PCDHA11: variants seen among roughly 807,000 people sequenced by gnomAD.
PCDHA11 encodes the protein protocadherin alpha-11.
Under a neutral mutation model 70.3 loss-of-function variants are expected in PCDHA11, and 61 were observed. The ratio of observed to expected loss-of-function variants is 0.87; its 90% CI spans 0.71 to 1.07. The LOEUF is 1.07. Among genes scored for constraint, PCDHA11 ranks in the 50% least tolerant of loss-of-function variants. PCDHA11 has a pLI of 0.00. For synonymous variants in PCDHA11, 633 were observed against 555.1 expected (o/e 1.14, Z -1.97); for missense variants, 1,324 against 1,237.5 (o/e 1.07, Z -1.05).
chr5:140,883,575 G>C (rs782472492), intron 1 of PCDHA11: 87 of 1,613,954 alleles, frequency 5.4e-5, no homozygotes, highest in Non-Finnish European at 7.4e-5. Context: ...CCTTCGCTGT[G>C]GGCCACGGCC....
intron 1 of PCDHA11, among the ~76,000 whole-genome samples, chr5:140,878,826 C>G (rs1048428036): frequency 1.3e-5 from 2 of 152,182 alleles, no homozygotes; most frequent in Non-Finnish European, 2.9e-5. Flanking sequence ...CTATGTTGCA[C>G]AGGCTGGACT....
At chr5:140,887,961 G>A (rs1311969868) in intron 1 of PCDHA11, among the ~76,000 whole-genome samples, 1 of 151,770 alleles carries the variant, frequency 6.6e-6, no homozygotes, top group African/African-American at 2.4e-5. Flanking sequence ...GATTCTTTTT[G>A]TCTCTTTTAA....
At chr5:141,005,718 A>T (rs1554260304) in intron 3 of PCDHA11, among the ~76,000 whole-genome samples, 1 of 149,548 alleles carries the variant, frequency 6.7e-6, no homozygotes, top group Non-Finnish European at 1.5e-5. Context: ...AAAAAAAAAA[A>T]AAAAAAAAAA....
At chr5:140,957,734 T>C (rs559180968) in intron 1 of PCDHA11, among the ~76,000 whole-genome samples, 2 of 152,240 alleles carry the variant, frequency 1.3e-5, no homozygotes, top group Admixed American at 6.5e-5. Flanking sequence ...GAATTATATA[T>C]ACTGACATGA....
At chr5:140,996,355 G>A (rs1164124431) in intron 3 of PCDHA11, among the ~76,000 whole-genome samples, 1 of 152,218 alleles carries the variant, frequency 6.6e-6, no homozygotes, top group Non-Finnish European at 1.5e-5. Flanking sequence ...ACCAAAGTCA[G>A]AAGCCATTTT....
chr5:140,993,462 TCACACACACACA>T (rs3836747), intron 3 of PCDHA11, among the ~76,000 whole-genome samples: 1,999 of 141,038 alleles, frequency 0.014, 48 homozygotes, highest in African/African-American at 0.047. Context: ...TCTTTCTTTC[TCACACACACACA>T]CACACACACA....
chr5:140,941,191 T>TTTCTTTCTTTCTTTCTTTCTTTC (rs1487503403), intron 1 of PCDHA11, among the ~76,000 whole-genome samples: 1 of 93,206 alleles, frequency 1.1e-5, no homozygotes, highest in South Asian at 2.8e-4. Flanking sequence ...GCTTCTTTTT[T>TTTCTTTCTTTCTTTCTTTCTTTC]TTTCTTTCTT....
chr5:140,955,006 C>T (rs1304080416), intron 1 of PCDHA11, among the ~76,000 whole-genome samples: 1 of 152,154 alleles, frequency 6.6e-6, no homozygotes, highest in African/African-American at 2.4e-5. Flanking sequence ...AGCCAATTCT[C>T]CCAGCACCAT....
chr5:140,961,435 C>T (rs1554225413), intron 1 of PCDHA11, among the ~76,000 whole-genome samples: 1 of 152,174 alleles, frequency 6.6e-6, no homozygotes, highest in Non-Finnish European at 1.5e-5. Flanking sequence ...TACAAAATCA[C>T]CTAACTACAC....
At chr5:140,898,133 G>T (rs2153459320) in intron 1 of PCDHA11, among the ~76,000 whole-genome samples, 1 of 152,202 alleles carries the variant, frequency 6.6e-6, no homozygotes, top group African/African-American at 2.4e-5. Flanking sequence ...CTCCCATTTT[G>T]TAGGTTGCCT....
intron 1 of PCDHA11, among the ~76,000 whole-genome samples, chr5:140,897,068 T>A (rs2153455202): frequency 6.6e-6 from 1 of 152,252 alleles, no homozygotes; most frequent in East Asian, 1.9e-4. Context: ...CTATGTCTTA[T>A]TCATTTTTTC....
intron 1 of PCDHA11, among the ~76,000 whole-genome samples, chr5:140,873,200 T>C (rs1462660228): frequency 6.6e-6 from 1 of 152,228 alleles, no homozygotes; most frequent in Non-Finnish European, 1.5e-5. Context: ...GCTAAAAACA[T>C]TCTTTAAGTA....
rs527413028 is a variant in PCDHA11, at chr5:140,920,520, G to A, written c.2391+49026G>A. Among the ~76,000 whole-genome samples, 10 of 152,176 alleles carry A rather than the reference G, an allele frequency of 6.6e-5. No homozygotes were observed. In the South Asian group the frequency reaches 1.7e-3, roughly 25 times the overall value. ...TTCTACATACTGTTTTATGCAATTCGTTAGACTCAGGTTTTCTATTTCACC... is the reference window on the plus strand; with the variant it reads ...TTCTACATACTGTTTTATGCAATTCATTAGACTCAGGTTTTCTATTTCACC... On this transcript the variant is annotated intron_variant, in intron 1 of 3. Transcript: ENST00000398640.
intron 1 of PCDHA11, chr5:140,928,095 G>T (rs782045221): frequency 1.9e-6 from 3 of 1,614,190 alleles, no homozygotes; most frequent in Non-Finnish European, 1.7e-6. Flanking sequence ...TGATTGATGG[G>T]CCCCTGGACC....
At chr5:141,003,122 C>A (rs782642950) in intron 3 of PCDHA11, among the ~76,000 whole-genome samples, 57 of 152,318 alleles carry the variant, frequency 3.7e-4, no homozygotes, top group African/African-American at 9.6e-4. Context: ...TGGCCCTTTC[C>A]TGGCATTTGC....
chr5:140,882,022 A>G (rs2153382292), intron 1 of PCDHA11: 2 of 571,970 alleles, frequency 3.5e-6, no homozygotes, highest in Non-Finnish European at 5.6e-6. Flanking sequence ...TACTACATCA[A>G]TGGAAAATAT....
In PCDHA11 at chr5:140,981,033, G is replaced by GA. The variant is rs148859655; in HGVS notation, c.2451-1434dup. ...CACTTGAAGGCTGTTAATATTTGGG[G>GA]AAAAAAAACAGATAATTCTAGAGTG... On this transcript the variant is annotated intron_variant, in intron 2 of 3. Transcript: ENST00000398640. 8.2e-3 allele frequency among the ~76,000 whole-genome samples: 1,241 copies of GA among 151,610 alleles called. 19 individuals are homozygous for GA. Among genetic ancestry groups the GA allele is most frequent in the African/African-American group, 0.027 (1,115 of 41,338 alleles).
intron 3 of PCDHA11, among the ~76,000 whole-genome samples, chr5:140,995,470 T>C (rs543327839): frequency 5.6e-4 from 86 of 152,360 alleles, no homozygotes; most frequent in Middle Eastern, 3.4e-3. Flanking sequence ...TTGAAATTTT[T>C]CATTTAATAT....
chr5:140,887,291 T>G (rs2153419358), intron 1 of PCDHA11, among the ~76,000 whole-genome samples: 1 of 152,074 alleles, frequency 6.6e-6, no homozygotes, highest in South Asian at 2.1e-4. Flanking sequence ...AGAGATGGGG[T>G]TTCATCTTGT....
Sources: gnomAD v4.1 joint callset for allele counts (sites outside exome capture counted in the v4.1 genomes callset) on GRCh38, gnomAD v4.1.1 for gene constraint, MANE v1.5 for transcripts, NCBI Gene and HGNC (gene_info 2026-07-23, HGNC 2026-07-21) for gene names.